The following OR2C1 variants were observed in gnomAD, a reference collection of about 807,000 sequenced individuals.
OR2C1 encodes olfactory receptor 2C1.
For missense variants in OR2C1, 468 were observed against 388.3 expected, an observed-to-expected ratio of 1.21 and a Z score of -1.73; for synonymous variants, 209 against 167.3, an observed-to-expected ratio of 1.25 and a Z score of -1.92.
the OR2C1 span, among the ~76,000 whole-genome samples, chr16:3,325,974 A>T: frequency 2.1e-5 from 3 of 141,490 alleles, no homozygotes; most frequent in Non-Finnish European, 4.5e-5. Flanking sequence ...TCTGTTGCCC[A>T]GGCTGGAGTG....
chr16:3,345,114 C>A, the OR2C1 span, among the ~76,000 whole-genome samples: 1 of 151,972 alleles, frequency 6.6e-6, no homozygotes, highest in African/African-American at 2.4e-5. Flanking sequence ...ATACACACAA[C>A]AACCTGGACG....
the OR2C1 span, among the ~76,000 whole-genome samples, chr16:3,344,721 C>T: frequency 1.1e-5 from 1 of 94,870 alleles, no homozygotes; most frequent in Non-Finnish European, 2.2e-5. Context: ...GAGTGAGACT[C>T]TGTCTCAAAA....
At position 3,357,114 on chromosome 16, in the gene OR2C1, G is replaced by C; in HGVS notation, c.*235G>C. ...CTACCGATAGCAGGGGAGACATGTT[G>C]TTGAGGGCTCAGAGGTTATTGACCT... is the stretch of plus-strand genomic sequence containing the variant. On this transcript the variant is annotated 3_prime_UTR_variant, in exon 1 of 1. Coordinates refer to ENST00000304936, the MANE Select transcript of OR2C1 (RefSeq NM_012368.3). 2.1e-6 allele frequency: 1 copy of C among 486,614 alleles called. No homozygotes were observed. Among genetic ancestry groups the C allele is most frequent in the African/African-American group, 1.9e-5 (1 of 51,622 alleles). The allele number at this position is 486,614 out of a possible 1,614,324, so 30.1% of individuals were successfully genotyped here. A position where few individuals can be genotyped will look rare whatever the true frequency, so the allele number is the denominator to read the frequency against.
chr16:3,348,634 C>G, the OR2C1 span, among the ~76,000 whole-genome samples: 1 of 152,164 alleles, frequency 6.6e-6, no homozygotes, highest in African/African-American at 2.4e-5. Flanking sequence ...CCCCACTGGG[C>G]AGAAGCCAGA....
chr16:3,338,071 A>G, the OR2C1 span, among the ~76,000 whole-genome samples: 1 of 152,160 alleles, frequency 6.6e-6, no homozygotes, highest in African/African-American at 2.4e-5. Flanking sequence ...CTGAATGGGG[A>G]AGGTCCCAAA....
At chr16:3,336,672 T>TCC in the OR2C1 span, among the ~76,000 whole-genome samples, 7 of 61,388 alleles carry the variant, frequency 1.1e-4, no homozygotes, top group South Asian at 4.8e-3. Context: ...TAGTTTCTTT[T>TCC]TCTTTTTTTT....
At chr16:3,343,185 G>C in the OR2C1 span, among the ~76,000 whole-genome samples, 2 of 152,140 alleles carry the variant, frequency 1.3e-5, no homozygotes, top group South Asian at 4.1e-4. Flanking sequence ...CTACACATGT[G>C]ATAAAATTAT....
At chr16:3,336,090 G>A in the OR2C1 span, among the ~76,000 whole-genome samples, 1 of 152,090 alleles carries the variant, frequency 6.6e-6, no homozygotes, top group Non-Finnish European at 1.5e-5. Context: ...TGAGGTGTAT[G>A]CCTTCTATAC....
chr16:3,347,792 A>G, the OR2C1 span, among the ~76,000 whole-genome samples: 1 of 151,354 alleles, frequency 6.6e-6, no homozygotes, highest in Non-Finnish European at 1.5e-5. Flanking sequence ...ACGCACACAC[A>G]CATGCACACA....
the OR2C1 span, among the ~76,000 whole-genome samples, chr16:3,350,719 A>G: frequency 2.0e-5 from 3 of 151,948 alleles, no homozygotes; most frequent in African/African-American, 7.3e-5. Context: ...CCCAAAGGGA[A>G]GTTTTAAAAC....
At chr16:3,327,547 C>A in the OR2C1 span, among the ~76,000 whole-genome samples, 1 of 151,630 alleles carries the variant, frequency 6.6e-6, no homozygotes, top group South Asian at 2.1e-4. Flanking sequence ...CTGGAGTATC[C>A]ATTTATGAGA....
At chr16:3,327,131 A>C in the OR2C1 span, among the ~76,000 whole-genome samples, 1 of 152,156 alleles carries the variant, frequency 6.6e-6, no homozygotes, top group Admixed American at 6.5e-5. Flanking sequence ...TTCTTATGGA[A>C]GTTATCAAAC....
chr16:3,323,613 T>G, the OR2C1 span: 2 of 738,416 alleles, frequency 2.7e-6, no homozygotes, highest in East Asian at 2.4e-5. Context: ...GCAATGGCTG[T>G]CTGCACCAGT....
upstream of OR2C1, among the ~76,000 whole-genome samples, chr16:3,352,679 C>A (rs79780315): frequency 8.9e-3 from 1,345 of 151,926 alleles, 19 homozygotes; most frequent in African/African-American, 0.03. Flanking sequence ...ACCAGCCCCC[C>A]ACAGACCAAA....
rs143663049 is a variant in OR2C1, at chr16:3,356,837, C to A, written c.897C>A (p.Gly299=). ...IYTLRNMEVK[G]ALRRLLGKGR... ...CGCTGCGGAACATGGAAGTGAAGGG[C>A]GCACTGAGGAGGTTGCTGGGGAAAG... Residue 299 remains glycine (G), a synonymous_variant, in exon 1 of 1, where the codon GGC becomes GGA. Transcript: ENST00000304936. 6.2e-7 allele frequency: 1 copy of A among 1,608,762 alleles called. No homozygotes were observed. The highest frequency in any genetic ancestry group is 1.1e-5 in the South Asian group (1 of 90,304).
At chr16:3,330,297 T>C in the OR2C1 span, among the ~76,000 whole-genome samples, 5 of 151,740 alleles carry the variant, frequency 3.3e-5, no homozygotes, top group Admixed American at 6.6e-5. Context: ...TTTTCTTTTT[T>C]AGTAGAGACA....
chr16:3,356,585 G>T lies in OR2C1; in HGVS notation c.645G>T (p.Val215=), dbSNP rs774311419. 7.4e-6 allele frequency: 12 copies of T among 1,614,138 alleles called. No homozygotes were observed. The highest frequency in any genetic ancestry group is 1.0e-5 in the Non-Finnish European group (12 of 1,180,034). Residue 215 remains valine, a synonymous_variant, in exon 1 of 1, where the codon GTG becomes GTT. Transcript: ENST00000304936. ...CTGCAGTCCCACTAAGCATCATCGT[G>T]ATCTCCTACTGCCTCATTGCTCAGG... ...FFTAVPLSII[V]ISYCLIAQAV...
the OR2C1 span, chr16:3,322,946 C>T: frequency 2.0e-4 from 198 of 985,168 alleles, no homozygotes; most frequent in Middle Eastern, 1.0e-3. Context: ...GGACTACTTC[C>T]GCCGACAAGG....
At chr16:3,330,363 G>A in the OR2C1 span, among the ~76,000 whole-genome samples, 2 of 151,406 alleles carry the variant, frequency 1.3e-5, no homozygotes, top group Non-Finnish European at 2.9e-5. Flanking sequence ...TGATCCACCC[G>A]CCTCAGCCTC....
Sources: gnomAD v4.1 joint callset for allele counts (sites outside exome capture counted in the v4.1 genomes callset) on GRCh38, gnomAD v4.1.1 for gene constraint, MANE v1.5 for transcripts, NCBI Gene and HGNC (gene_info 2026-07-23, HGNC 2026-07-21) for gene names.